ASXL3: variants seen among roughly 807,000 people sequenced by gnomAD.
ASXL3 encodes putative Polycomb group protein ASXL3.
In ASXL3, 34 loss-of-function variants were observed where a neutral mutation model predicts 170.6. That is an observed-to-expected ratio of 0.20 (90% CI 0.15 to 0.27). ASXL3 has a LOEUF of 0.27. Ranked by LOEUF, ASXL3 falls within the 10% of genes least tolerant of loss-of-function variation. The probability of loss-of-function intolerance (pLI) is 1.00; values close to 1 mark genes in which losing one functional copy is unlikely to be tolerated. For synonymous variants in ASXL3, 1,002 were observed against 989.1 expected, an observed-to-expected ratio of 1.01 and a Z score of -0.24; for missense variants, 2,592 against 2,695.3, an observed-to-expected ratio of 0.96 and a Z score of 0.85.
chr18:33,596,648 G>T (rs534881907), intron 1 of ASXL3, among the ~76,000 whole-genome samples: 162 of 152,144 alleles, frequency 1.1e-3, no homozygotes, highest in Non-Finnish European at 1.7e-3. Context: ...TTCTGACTCA[G>T]ATTGAATGAT....
Position 33,743,618 on chromosome 18 carries a change from C to A in ASXL3, c.3770C>A (p.Ser1257Tyr). 6.2e-7 allele frequency: 1 copy of A among 1,613,494 alleles called. No individual in the cohort carries two copies. The highest frequency in any genetic ancestry group is 8.5e-7 in the Non-Finnish European group (1 of 1,179,844). Residue 1257 changes from serine to tyrosine, a missense_variant, in exon 12 of 12, where the codon TCT (serine) becomes TAT (tyrosine). Ser to Tyr is a moderately radical substitution (Grantham distance 144). This residue lies in a region of ASXL3 where 2,246 missense variants were observed against 2,219.6 expected (regional missense o/e 1.01). Transcript: ENST00000269197. Reference protein sequence around the residue: ...GAIKEHPFVSSVDKSSVLMSV... With the variant: ...GAIKEHPFVSYVDKSSVLMSV... Reference sequence around the variant, plus strand: ...ATTAAAGAACATCCCTTTGTGAGTTCTGTTGATAAATCCTCTGTCCTAATG... The same window carrying A: ...ATTAAAGAACATCCCTTTGTGAGTTATGTTGATAAATCCTCTGTCCTAATG...
At chr18:33,594,501 A>G (rs1213560762) in intron 1 of ASXL3, among the ~76,000 whole-genome samples, 1 of 152,192 alleles carries the variant, frequency 6.6e-6, no homozygotes, top group Non-Finnish European at 1.5e-5. Flanking sequence ...GCAAGTTTTA[A>G]TATTCCATTG....
intron 2 of ASXL3, among the ~76,000 whole-genome samples, chr18:33,619,972 G>A (rs2065484242): frequency 6.6e-6 from 1 of 152,068 alleles, no homozygotes; most frequent in African/African-American, 2.4e-5. Flanking sequence ...GAATGCCCCA[G>A]TATAGTTTCA....
In ASXL3 at chr18:33,739,584, A is replaced by G. The variant is rs751758226; in HGVS notation, c.2180A>G (p.Glu727Gly). The G allele has an allele frequency of 3.7e-6, 6 of 1,613,914 alleles. No individual in the cohort carries two copies. The East Asian group carries it at 1.3e-4, about 36-fold the overall frequency. The change falls in exon 11 of 12, where the codon GAA becomes GGA. Residue 727 changes from glutamate (E) to glycine (G), a missense_variant. Coordinates refer to ENST00000269197, the MANE Select transcript of ASXL3 (RefSeq NM_030632.3). ...ATGTCTGACTTACCTTTAACATCAG[A>G]AACTTCTTCAGTGTCTTCCATGCTT... Reference protein sequence around the residue: ...SPMSDLPLTSETSSVSSMLLT... With the variant: ...SPMSDLPLTSGTSSVSSMLLT...
chr18:33,657,731 A>C (rs1466945004), intron 4 of ASXL3, among the ~76,000 whole-genome samples: 1 of 151,980 alleles, frequency 6.6e-6, no homozygotes. Context: ...TTCTAAATAG[A>C]GTATTTTGAG....
chr18:33,594,698 A>G (rs115494882), intron 1 of ASXL3, among the ~76,000 whole-genome samples: 1,825 of 152,226 alleles, frequency 0.012, 41 homozygotes, highest in African/African-American at 0.042. Flanking sequence ...GTACATCAAG[A>G]AGCATGTAGA....
rs377004078 is a variant in ASXL3 at position 33,620,822 on chromosome 18, A to G, written c.137+13146A>G. Reference sequence around the variant, plus strand: ...CAGTCTTCCCTGTACCCAACTTCCAACCACCTAATTTCCCCAACAATTTCT... The same window carrying G: ...CAGTCTTCCCTGTACCCAACTTCCAGCCACCTAATTTCCCCAACAATTTCT... On this transcript the variant is annotated intron_variant, in intron 2 of 11. Coordinates refer to ENST00000269197, the MANE Select transcript of ASXL3 (RefSeq NM_030632.3). Among the ~76,000 whole-genome samples, 30 of 152,226 alleles carry G rather than the reference A, an allele frequency of 2.0e-4. No homozygotes were observed. In the East Asian group the frequency reaches 2.3e-3, roughly 12 times the overall value.
Position 33,744,524 on chromosome 18 carries a change from T to C in ASXL3, c.4676T>C (p.Leu1559Pro). 6.2e-7 allele frequency: 1 copy of C among 1,612,180 alleles called. No individual in the cohort carries two copies. Among genetic ancestry groups the C allele is most frequent in the Non-Finnish European group, 8.5e-7 (1 of 1,179,644 alleles). Residue 1559 changes from leucine to proline, a missense_variant, in exon 12 of 12, where the codon CTC (leucine) becomes CCC (proline). Leu to Pro is a moderately conservative substitution (Grantham distance 98). This residue lies in a region of ASXL3 where 2,246 missense variants were observed against 2,219.6 expected (regional missense o/e 1.01). Transcript: ENST00000269197. ...SKTLPATCTS[L>P]RELPLVPDKL... is the part of the protein sequence containing the mutation. ...ACATTGCCGGCCACCTGCACAAGTC[T>C]CCGAGAATTACCCCTTGTTCCAGAT...
At position 33,749,957 on chromosome 18, in the gene ASXL3, C is replaced by T. The variant is rs1003025488; in HGVS notation, c.*3362C>T. ...TGTAGCCCCATTTCCTTTACAAACC[C>T]CCGCACAATTTCAAAAGTGGAAGTT... On this transcript the variant is annotated 3_prime_UTR_variant, in exon 12 of 12. Coordinates refer to ENST00000269197, the MANE Select transcript of ASXL3 (RefSeq NM_030632.3). 6.6e-6 allele frequency: 1 copy of T among 152,228 alleles called. No homozygotes were observed. Among genetic ancestry groups the T allele is most frequent in the South Asian group, 2.1e-4 (1 of 4,820 alleles). The allele number at this position is 152,228 out of a possible 1,614,324, so 9.4% of individuals were successfully genotyped here.
At position 33,745,092 on chromosome 18, in the gene ASXL3, G is replaced by C. The variant is rs750655781; in HGVS notation, c.5244G>C (p.Pro1748=). ...CRLSSVEANN[P]LVTQLLQGNL... ...TGTCCTCTGTGGAGGCTAACAATCC[G>C]CTGGTGACGCAGTTACTACAGGGCA... The change falls in exon 12 of 12, where the codon CCG becomes CCC. Residue 1748 remains proline, a synonymous_variant. Coordinates refer to ENST00000269197, the MANE Select transcript of ASXL3 (RefSeq NM_030632.3). The C allele has an allele frequency of 3.7e-6, 6 of 1,613,972 alleles. No individual in the cohort carries two copies. The Admixed American group carries it at 6.7e-5, about 18-fold the overall frequency.
chr18:33,715,515 C>T (rs1218307954), intron 8 of ASXL3, among the ~76,000 whole-genome samples: 1 of 152,162 alleles, frequency 6.6e-6, no homozygotes, highest in Non-Finnish European at 1.5e-5. Flanking sequence ...GCCACAGTAA[C>T]TGGAAGGAAG....
rs2067748440 is a variant in ASXL3, at chr18:33,744,915, T to C, written c.5067T>C (p.Pro1689=). ...TGGACACTGAAGACTTCCCTGGCCC[T>C]GAGCTGCCTCCTCCGGCTGCAGAGG... ...FRMDTEDFPG[P]ELPPPAAEGA... The change falls in exon 12 of 12, where the codon CCT becomes CCC. Residue 1689 remains proline (P), a synonymous_variant. Transcript: ENST00000269197. 1 of 1,613,894 alleles carries C rather than the reference T, an allele frequency of 6.2e-7. No individual in the cohort carries two copies. Among genetic ancestry groups the C allele is most frequent in the Non-Finnish European group, 8.5e-7 (1 of 1,179,890 alleles).
At chr18:33,683,858 C>T (rs1338316571) in intron 8 of ASXL3, among the ~76,000 whole-genome samples, 1 of 152,124 alleles carries the variant, frequency 6.6e-6, no homozygotes, top group African/African-American at 2.4e-5. Flanking sequence ...TCAAATAAAT[C>T]TTTAGAGTAG....
At position 33,660,487 on chromosome 18, in the gene ASXL3, C is replaced by T. The variant is rs2066154877; in HGVS notation, c.356-1129C>T. ...TACTACAATAATTTTTACTTCTTCA[C>T]CTTCTTTTAAAACTCAGGTCAGAAC... is the stretch of plus-strand genomic sequence containing the variant. On this transcript the variant is annotated intron_variant, in intron 4 of 11. Coordinates refer to ENST00000269197, the MANE Select transcript of ASXL3 (RefSeq NM_030632.3). Among the ~76,000 whole-genome samples the T allele has an allele frequency of 2.0e-5, 3 of 152,220 alleles. No individual in the cohort carries two copies. In the South Asian group the frequency reaches 6.2e-4, roughly 32 times the overall value.
At chr18:33,701,967 A>T (rs764917261) in intron 8 of ASXL3, among the ~76,000 whole-genome samples, 121 of 152,054 alleles carry the variant, frequency 8.0e-4, no homozygotes, top group Non-Finnish European at 8.1e-4. Context: ...TTCATCTGCT[A>T]GTTCAAATTT....
At chr18:33,594,404 A>G (rs1005678467) in intron 1 of ASXL3, among the ~76,000 whole-genome samples, 1 of 152,230 alleles carries the variant, frequency 6.6e-6, no homozygotes, top group African/African-American at 2.4e-5. Context: ...GGTTGTAAGC[A>G]GAACTCAGCT....
chr18:33,678,049 C>T (rs1161466683), intron 7 of ASXL3, among the ~76,000 whole-genome samples: 1 of 151,502 alleles, frequency 6.6e-6, no homozygotes, highest in Non-Finnish European at 1.5e-5. Flanking sequence ...GCCATTATGC[C>T]AATGTTAATT....
intron 8 of ASXL3, among the ~76,000 whole-genome samples, chr18:33,712,106 T>C (rs992718638): frequency 6.6e-6 from 1 of 152,212 alleles, no homozygotes; most frequent in African/African-American, 2.4e-5. Context: ...AGAACTGTTG[T>C]TGATGCTCCA....
intron 8 of ASXL3, among the ~76,000 whole-genome samples, chr18:33,693,200 A>G (rs559720457): frequency 7.2e-5 from 11 of 152,168 alleles, no homozygotes; most frequent in Non-Finnish European, 1.6e-4. Context: ...TGCTGAATAC[A>G]TGTTTTTGGT....
Sources: allele counts gnomAD v4.1 joint callset (sites outside exome capture counted in the v4.1 genomes callset), GRCh38; gene constraint gnomAD v4.1.1; regional missense constraint gnomAD v4.1.1; transcripts MANE v1.5; gene names NCBI Gene and HGNC (gene_info 2026-07-23, HGNC 2026-07-21).